The following SNTG1 variants were observed in gnomAD, a reference collection of about 807,000 sequenced individuals.
The protein encoded by SNTG1 is syntrophin gamma 1, also known as gamma-1-syntrophin.
In SNTG1, 39 loss-of-function variants were observed where a neutral mutation model predicts 74.7. The ratio of observed to expected loss-of-function variants is 0.52; its 90% CI spans 0.40 to 0.68. SNTG1 has a LOEUF of 0.68. Ranked by LOEUF, SNTG1 falls within the 30% of genes least tolerant of loss-of-function variation. The probability of loss-of-function intolerance (pLI) is 0.00; values close to 1 mark genes in which losing one functional copy is unlikely to be tolerated. For synonymous variants in SNTG1, 254 were observed against 217.1 expected, an observed-to-expected ratio of 1.17 and a Z score of -1.49; for missense variants, 685 against 609.5, an observed-to-expected ratio of 1.12 and a Z score of -1.30.
At position 50,792,829 on chromosome 8, in the gene SNTG1, A is replaced by G. The variant is rs1475986729; in HGVS notation, c.1554A>G (p.Ter518TrpextTer58). The G allele has an allele frequency of 2.5e-6, 4 of 1,610,876 alleles. No homozygotes were observed. ...CGAGCAAAGCAAAGTATACAACTTGACATACTGAACTCTTCATTGACACAC... is the reference window on the plus strand; with the variant it reads ...CGAGCAAAGCAAAGTATACAACTTGGCATACTGAACTCTTCATTGACACAC... ...ATTSKAKYTT[*>W] Residue 518 changes from the stop codon to tryptophan, a stop_lost, in exon 19 of 19, where the codon TGA becomes TGG. Transcript: ENST00000642720.
At chr8:50,577,216 C>T (rs2094581778) in intron 12 of SNTG1, among the ~76,000 whole-genome samples, 1 of 152,022 alleles carries the variant, frequency 6.6e-6, no homozygotes, top group African/African-American at 2.4e-5. Context: ...GCTTTTTCTG[C>T]ATCAGTTGAG....
intron 18 of SNTG1, among the ~76,000 whole-genome samples, chr8:50,777,023 G>T (rs921580803): frequency 7.3e-5 from 11 of 151,700 alleles, no homozygotes; most frequent in African/African-American, 2.7e-4. Context: ...TTGCTGTCAA[G>T]TTTTCAGAAG....
At chr8:50,451,520 G>A (rs1336131123) in intron 8 of SNTG1, among the ~76,000 whole-genome samples, 1 of 152,080 alleles carries the variant, frequency 6.6e-6, no homozygotes, top group African/African-American at 2.4e-5. Flanking sequence ...CAGAGAGAGA[G>A]AACCTTAACC....
intron 13 of SNTG1, among the ~76,000 whole-genome samples, chr8:50,605,840 C>T (rs1177947372): frequency 2.6e-5 from 4 of 151,922 alleles, no homozygotes; most frequent in African/African-American, 9.7e-5. Flanking sequence ...TCTGACCTAA[C>T]TGAAAAAAAT....
chr8:50,241,615 G>T (rs1052479701), intron 2 of SNTG1, among the ~76,000 whole-genome samples: 1 of 152,124 alleles, frequency 6.6e-6, no homozygotes, highest in Non-Finnish European at 1.5e-5. Flanking sequence ...CTTAAGTACT[G>T]CTTTTAGGTT....
In SNTG1 at chr8:50,554,623, G is replaced by C. The variant is rs542266751; in HGVS notation, c.810+1444G>C. ...ACTCCCAACCCACCCTTGCTAATCTGGTGTTGTCACCATATTAGAGTTGAG... is the reference window on the plus strand; with the variant it reads ...ACTCCCAACCCACCCTTGCTAATCTCGTGTTGTCACCATATTAGAGTTGAG... On this transcript the variant is annotated intron_variant, in intron 12 of 18. Coordinates refer to ENST00000642720, the MANE Select transcript of SNTG1 (RefSeq NM_018967.5). Among the ~76,000 whole-genome samples the C allele has an allele frequency of 2.6e-5, 4 of 151,772 alleles. No individual in the cohort carries two copies. The South Asian group carries it at 8.3e-4, about 32-fold the overall frequency.
chr8:50,185,249 T>C (rs1408823860), intron 2 of SNTG1, among the ~76,000 whole-genome samples: 1 of 152,210 alleles, frequency 6.6e-6, no homozygotes, highest in Non-Finnish European at 1.5e-5. Flanking sequence ...GATGGTTTTA[T>C]AAGCATATCA....
chr8:50,593,248 C>A (rs946626439), intron 13 of SNTG1, among the ~76,000 whole-genome samples: 1 of 152,118 alleles, frequency 6.6e-6, no homozygotes, highest in Non-Finnish European at 1.5e-5. Context: ...AAAGCCACTG[C>A]GGTCCAGCTG....
intron 1 of SNTG1, among the ~76,000 whole-genome samples, chr8:50,137,080 T>G (rs923450639): frequency 6.6e-6 from 1 of 152,144 alleles, no homozygotes; most frequent in Non-Finnish European, 1.5e-5. Flanking sequence ...GACTTCATTT[T>G]CAGCAGAGTA....
chr8:50,778,783 C>T (rs371307296), intron 18 of SNTG1, among the ~76,000 whole-genome samples: 1 of 150,928 alleles, frequency 6.6e-6, no homozygotes, highest in African/African-American at 2.5e-5. Flanking sequence ...TTGCCCATGC[C>T]TATGTCCTGA....
intron 1 of SNTG1, among the ~76,000 whole-genome samples, chr8:49,913,593 C>T (rs534117137): frequency 1.3e-5 from 2 of 152,212 alleles, no homozygotes; most frequent in Admixed American, 1.3e-4. Flanking sequence ...TTGGGGGCTC[C>T]GTTGCCCTAT....
At chr8:50,345,866 T>G (rs926301301) in intron 2 of SNTG1, among the ~76,000 whole-genome samples, 3 of 152,224 alleles carry the variant, frequency 2.0e-5, no homozygotes, top group Admixed American at 6.5e-5. Flanking sequence ...TTGACTGCAT[T>G]TATCTGATAT....
chr8:50,778,546 G>C (rs889611765), intron 18 of SNTG1, among the ~76,000 whole-genome samples: 2 of 151,876 alleles, frequency 1.3e-5, no homozygotes, highest in Non-Finnish European at 2.9e-5. Context: ...TTTTTGATGG[G>C]GTTGTTTGTT....
intron 18 of SNTG1, among the ~76,000 whole-genome samples, chr8:50,755,711 A>G (rs1428479172): frequency 6.6e-6 from 1 of 151,888 alleles, no homozygotes; most frequent in Non-Finnish European, 1.5e-5. Context: ...AGAACTTTCC[A>G]TCTCCATCAC....
intron 2 of SNTG1, among the ~76,000 whole-genome samples, chr8:50,194,963 A>G (rs2083708352): frequency 6.6e-6 from 1 of 152,078 alleles, no homozygotes; most frequent in Non-Finnish European, 1.5e-5. Flanking sequence ...CAGCTGTAGT[A>G]GTGTACAGAG....
rs189561407 is a variant in SNTG1 at position 50,687,243 on chromosome 8, A to G, written c.1039-17357A>G. Among the ~76,000 whole-genome samples the G allele has an allele frequency of 1.5e-3, 228 of 152,274 alleles. 1 individual carries two copies. Among genetic ancestry groups the G allele is most frequent in the Middle Eastern group, 6.8e-3 (2 of 294 alleles). ...ACAGCGAGAGATGAAAAATGAAAAA[A>G]AAATGAAATAAACAAACAAAAAATC... On this transcript the variant is annotated intron_variant, in intron 15 of 18. Transcript: ENST00000642720.
chr8:50,588,401 G>A (rs1449876934), intron 12 of SNTG1, among the ~76,000 whole-genome samples: 2 of 152,086 alleles, frequency 1.3e-5, no homozygotes, highest in African/African-American at 2.4e-5. Context: ...ACAGGCGGAC[G>A]GAGTTTTCTG....
intron 2 of SNTG1, among the ~76,000 whole-genome samples, chr8:50,191,626 G>C (rs2083581529): frequency 1.3e-5 from 2 of 152,022 alleles, no homozygotes; most frequent in Admixed American, 1.3e-4. Flanking sequence ...TTGTTACATA[G>C]GTATACACGT....
intron 1 of SNTG1, among the ~76,000 whole-genome samples, chr8:50,050,205 G>A (rs567499219): frequency 5.0e-4 from 76 of 151,870 alleles, no homozygotes; most frequent in African/African-American, 1.7e-3. Flanking sequence ...CACCCTTAGC[G>A]AGTTAATTAT....
Sources: gnomAD v4.1 joint callset for allele counts (sites outside exome capture counted in the v4.1 genomes callset) on GRCh38, gnomAD v4.1.1 for gene constraint, MANE v1.5 for transcripts, NCBI Gene and HGNC (gene_info 2026-07-23, HGNC 2026-07-21) for gene names.